TAF1B: variants seen among roughly 807,000 people sequenced by gnomAD.
TAF1B encodes the protein TATA box-binding protein-associated factor RNA polymerase I subunit B.
TAF1B carries 61 observed loss-of-function variants against 83.9 expected under a neutral mutation model. That is an observed-to-expected ratio of 0.73 (90% CI 0.59 to 0.90). The LOEUF is 0.90. TAF1B is among the 40% of genes least tolerant of loss of function. The pLI, the probability that TAF1B is intolerant of heterozygous loss-of-function variation, is 0.00. For missense variants in TAF1B, 625 were observed against 677.0 expected (o/e 0.92, Z 0.85); for synonymous variants, 221 against 224.6 (o/e 0.98, Z 0.14).
intron 8 of TAF1B, among the ~76,000 whole-genome samples, chr2:9,902,340 C>T (rs1665206309): frequency 6.6e-6 from 1 of 151,816 alleles, no homozygotes; most frequent in Non-Finnish European, 1.5e-5. Flanking sequence ...ACAGCCACAG[C>T]ACCCAGCTTC....
intron 6 of TAF1B, among the ~76,000 whole-genome samples, chr2:9,870,413 GGAGGTCGAGGCTGTAGT>G (rs1664130413): frequency 6.6e-6 from 1 of 152,154 alleles, no homozygotes; most frequent in African/African-American, 2.4e-5. Context: ...GCTTGAGCCA[GGAGGTCGAGGCTGTAGT>G]GCGCTGTGAT....
At chr2:9,846,601 A>G (rs1245534153) in intron 2 of TAF1B, among the ~76,000 whole-genome samples, 2 of 152,256 alleles carry the variant, frequency 1.3e-5, no homozygotes, top group African/African-American at 4.8e-5. Flanking sequence ...AAAATATATT[A>G]AATGAGTAAA....
intron 5 of TAF1B, among the ~76,000 whole-genome samples, chr2:9,861,947 C>T (rs1663781642): frequency 6.6e-6 from 1 of 152,098 alleles, no homozygotes; most frequent in African/African-American, 2.4e-5. Flanking sequence ...CCCATCTGTA[C>T]GTCACCATCA....
chr2:9,920,638 C>T (rs924841535), intron 14 of TAF1B, among the ~76,000 whole-genome samples: 4 of 152,034 alleles, frequency 2.6e-5, no homozygotes, highest in Non-Finnish European at 4.4e-5. Context: ...AGTCAAGGTG[C>T]TGTGTCGTTT....
At position 9,920,235 on chromosome 2, in the gene TAF1B, C is replaced by T. The variant is rs184077396; in HGVS notation, c.1565+415C>T. Among the ~76,000 whole-genome samples, 293 of 152,240 alleles carry T rather than the reference C, an allele frequency of 1.9e-3. 3 individuals carry two copies. Among genetic ancestry groups the T allele is most frequent in the Admixed American group, 0.016 (252 of 15,286 alleles). On this transcript the variant is annotated intron_variant, in intron 14 of 14. Coordinates refer to ENST00000263663, the MANE Select transcript of TAF1B (RefSeq NM_005680.3). ...CAGTACAGTTATCAAACTCAGGAAA[C>T]TTAATACTGATACGATACCTTTATC...
chr2:9,913,621 T>G (rs1475427381), intron 12 of TAF1B: 2 of 160,170 alleles, frequency 1.2e-5, no homozygotes, highest in Non-Finnish European at 2.7e-5. Flanking sequence ...TTCCCAATAT[T>G]AAAAAGATTA....
intron 5 of TAF1B, among the ~76,000 whole-genome samples, chr2:9,859,255 C>T (rs1663669290): frequency 1.3e-5 from 2 of 152,290 alleles, no homozygotes; most frequent in South Asian, 4.1e-4. Flanking sequence ...ATCTCTAGGG[C>T]AGGGGCAAAA....
rs774292925 is a variant in TAF1B, at chr2:9,933,854, TCTC to T, written c.1640_1642del (p.Ser547del). ...AGTTATCAGTTTATACTAAATCTCT[TCTC>T]CTTCCTGCTCAGAATAAAGACTTCC... is the stretch of plus-strand genomic sequence containing the variant. On this transcript the variant is annotated inframe_deletion, in exon 15 of 15. Transcript: ENST00000263663. The T allele has an allele frequency of 6.2e-7, 1 of 1,613,906 alleles. No homozygotes were observed. The highest frequency in any genetic ancestry group is 1.1e-5 in the South Asian group (1 of 91,062).
chr2:9,881,858 A>T (rs1239184218), intron 7 of TAF1B, among the ~76,000 whole-genome samples: 1 of 152,220 alleles, frequency 6.6e-6, no homozygotes, highest in African/African-American at 2.4e-5. Flanking sequence ...GTGGTGAGCA[A>T]ACAGGCAAGG....
intron 7 of TAF1B, among the ~76,000 whole-genome samples, chr2:9,880,797 T>G (rs891573880): frequency 3.3e-5 from 5 of 152,164 alleles, no homozygotes; most frequent in Non-Finnish European, 5.9e-5. Flanking sequence ...AATGAGCACA[T>G]TAACATAGTG....
intron 7 of TAF1B, among the ~76,000 whole-genome samples, chr2:9,877,512 C>G (rs952036222): frequency 6.6e-6 from 1 of 152,212 alleles, no homozygotes; most frequent in African/African-American, 2.4e-5. Flanking sequence ...CATTCCCTCT[C>G]TCTCTCTGTC....
At chr2:9,854,700 G>A (rs1663502265) in intron 5 of TAF1B, among the ~76,000 whole-genome samples, 1 of 152,170 alleles carries the variant, frequency 6.6e-6, no homozygotes, top group Non-Finnish European at 1.5e-5. Context: ...CTAGATAGAA[G>A]ATAGTTTCTA....
intron 6 of TAF1B, among the ~76,000 whole-genome samples, chr2:9,870,116 AT>A (rs960332693): frequency 3.8e-4 from 58 of 152,056 alleles, no homozygotes; most frequent in African/African-American, 1.3e-3. Context: ...TAATAAATAA[AT>A]TTTTAAATCA....
rs151089892 is a variant in TAF1B at position 9,850,801 on chromosome 2, G to C, written c.206-740G>C. 3.2e-3 allele frequency among the ~76,000 whole-genome samples: 481 copies of C among 152,236 alleles called. 2 individuals carry two copies. Among genetic ancestry groups the C allele is most frequent in the African/African-American group, 0.011 (461 of 41,526 alleles). ...ACATGTAACTCTGTCTATTGTGGTG[G>C]CAGGTTTCTTCACAATCTCTTAGGG... On this transcript the variant is annotated intron_variant, in intron 3 of 14. Coordinates refer to ENST00000263663, the MANE Select transcript of TAF1B (RefSeq NM_005680.3).
chr2:9,910,872 G>A lies in TAF1B; in HGVS notation c.1092G>A (p.Val364=), dbSNP rs1428149818. 3.1e-6 allele frequency: 5 copies of A among 1,612,242 alleles called. No individual in the cohort carries two copies. Among genetic ancestry groups the A allele is most frequent in the Admixed American group, 3.4e-5 (2 of 59,660 alleles). The change falls in exon 10 of 15, where the codon GTG becomes GTA. Residue 364 remains valine, a synonymous_variant. Transcript: ENST00000263663. Reference sequence around the variant, plus strand: ...TACAAGCTGTAGCTATCATTGTGGTGGTATTGAAACTGCTCTTTCTATTGG... The same window carrying A: ...TACAAGCTGTAGCTATCATTGTGGTAGTATTGAAACTGCTCTTTCTATTGG... ...YDVQAVAIIV[V]VLKLLFLLDD...
chr2:9,930,520 G>C (rs1320381139), intron 14 of TAF1B, among the ~76,000 whole-genome samples: 2 of 152,192 alleles, frequency 1.3e-5, no homozygotes, highest in Non-Finnish European at 2.9e-5. Flanking sequence ...TTGCACTGTG[G>C]TCTGAGAGAC....
At chr2:9,924,986 T>G (rs960391214) in intron 14 of TAF1B, among the ~76,000 whole-genome samples, 5 of 152,170 alleles carry the variant, frequency 3.3e-5, no homozygotes, top group African/African-American at 1.2e-4. Flanking sequence ...TGACTTCTTG[T>G]AGGTGGTGGC....
At position 9,895,813 on chromosome 2, in the gene TAF1B, C is replaced by CTTTT. The variant is rs34044860; in HGVS notation, c.808-9026_808-9023dup. ...ATAAGTAAGGGTGAGGCACTGCACT[C>CTTTT]TTTTTTTTTTTTTTTTTTTTTTTAA... On this transcript the variant is annotated intron_variant, in intron 8 of 14. Transcript: ENST00000263663. 3.0e-3 allele frequency among the ~76,000 whole-genome samples: 334 copies of CTTTT among 112,422 alleles called. 4 individuals carry two copies. The highest frequency in any genetic ancestry group is 3.8e-3 in the Non-Finnish European group (217 of 56,596). The allele number at this position is 112,422 out of a possible 152,430, so 73.8% of individuals were successfully genotyped here.
At chr2:9,853,687 C>T (rs895689095) in intron 4 of TAF1B, among the ~76,000 whole-genome samples, 6 of 152,162 alleles carry the variant, frequency 3.9e-5, no homozygotes, top group East Asian at 1.9e-4. Flanking sequence ...AGGCTGGTTT[C>T]GAACTCCTGG....
Sources: gnomAD v4.1 joint callset for allele counts (sites outside exome capture counted in the v4.1 genomes callset) on GRCh38, gnomAD v4.1.1 for gene constraint, MANE v1.5 for transcripts, NCBI Gene and HGNC (gene_info 2026-07-23, HGNC 2026-07-21) for gene names.